Variants in ENOSF1 observed in about 807,000 individuals in gnomAD.
ENOSF1 encodes the protein mitochondrial enolase superfamily member 1.
ENOSF1 carries 73 observed loss-of-function variants against 68.2 expected under a neutral mutation model. The observed-to-expected ratio is 1.07, with a 90% CI of 0.89 to 1.30. ENOSF1 has a LOEUF of 1.30. Among genes scored for constraint, ENOSF1 ranks in the 50% most tolerant of loss-of-function variants. ENOSF1 has a pLI of 0.00. For synonymous variants in ENOSF1, 223 were observed against 210.4 expected, an observed-to-expected ratio of 1.06 and a Z score of -0.52; for missense variants, 589 against 554.5, an observed-to-expected ratio of 1.06 and a Z score of -0.62.
At chr18:705,099 C>A (rs1206634697) in intron 2 of ENOSF1, among the ~76,000 whole-genome samples, 1 of 152,218 alleles carries the variant, frequency 6.6e-6, no homozygotes, top group Non-Finnish European at 1.5e-5. Flanking sequence ...CACAAACTCA[C>A]ACACTTCTTT....
At chr18:696,416 T>C (rs1408770830) in intron 3 of ENOSF1, among the ~76,000 whole-genome samples, 3 of 151,864 alleles carry the variant, frequency 2.0e-5, no homozygotes, top group African/African-American at 7.3e-5. Context: ...TTTCACCATG[T>C]TAGCCAGGAT....
At chr18:706,025 A>G (rs2078893191) in intron 2 of ENOSF1, among the ~76,000 whole-genome samples, 1 of 152,060 alleles carries the variant, frequency 6.6e-6, no homozygotes, top group African/African-American at 2.4e-5. Flanking sequence ...ATATACATAT[A>G]TATATTGAAA....
At position 691,190 on chromosome 18, in the gene ENOSF1, G is replaced by A. The variant is rs1568078329; in HGVS notation, c.496+14C>T. 1 of 1,614,030 alleles carries A rather than the reference G, an allele frequency of 6.2e-7. No individual in the cohort carries two copies. Among genetic ancestry groups the A allele is most frequent in the Non-Finnish European group, 8.5e-7 (1 of 1,179,910 alleles). ...GTGTGCACGTCGTGTATCCCAGAAA[G>A]CTTCCAAACTCACCTAGGGCATCCT... On this transcript the variant is annotated intron_variant, in intron 6 of 15. Transcript: ENST00000647584.
chr18:693,268 G>C (rs2077385253), intron 5 of ENOSF1: 1 of 1,286,348 alleles, frequency 7.8e-7, no homozygotes, highest in Non-Finnish European at 1.0e-6. Context: ...TTGTACAGTA[G>C]AGGCTACAAT....
At chr18:678,641 T>C in intron 12 of ENOSF1, 55 bp downstream of exon 12, 1 of 1,573,564 alleles carries the variant, frequency 6.4e-7, no homozygotes, top group Non-Finnish European at 8.7e-7. Context: ...CGGTCACTGG[T>C]CAGCGTGTAC....
chr18:696,386 T>C (rs2077734854), intron 3 of ENOSF1, among the ~76,000 whole-genome samples: 1 of 151,820 alleles, frequency 6.6e-6, no homozygotes. Flanking sequence ...TAATTTTTTG[T>C]ATTTTTAGTA....
rs1285750675 is a variant in ENOSF1, at chr18:685,914, T to C, written c.741+7A>G. 2.5e-6 allele frequency: 4 copies of C among 1,609,742 alleles called. No individual in the cohort carries two copies. The highest frequency in any genetic ancestry group is 3.4e-6 in the Non-Finnish European group (4 of 1,176,154). On this transcript the variant is annotated splice_region_variant and intron_variant, in intron 10 of 15. Transcript: ENST00000647584. ...ACTGCTTCTTAGTGGTGTGAGAGGA[T>C]ATTTACCAAAGTCTTTTCCGGTCCA...
chr18:688,450 C>T (rs2076836089), intron 9 of ENOSF1, 124 bp downstream of exon 9: 2 of 1,282,252 alleles, frequency 1.6e-6, no homozygotes, highest in South Asian at 1.3e-5. Context: ...TTATGCATCC[C>T]TATGAGCCAG....
At chr18:676,200 C>T (rs2075494447) in intron 14 of ENOSF1, among the ~76,000 whole-genome samples, 1 of 152,226 alleles carries the variant, frequency 6.6e-6, no homozygotes, top group Admixed American at 6.5e-5. Context: ...TGACCGAGCT[C>T]TGCTGCCTGA....
At chr18:693,543 C>T in intron 5 of ENOSF1, 2 of 985,314 alleles carry the variant, frequency 2.0e-6, no homozygotes, top group East Asian at 1.1e-4. Context: ...TCTCATTGAT[C>T]TTTAATTTTG....
At chr18:688,509 A>G in intron 9 of ENOSF1, 65 bp downstream of exon 9, 1 of 1,612,198 alleles carries the variant, frequency 6.2e-7, no homozygotes, top group Non-Finnish European at 8.5e-7. Flanking sequence ...CCCTGCCAGG[A>G]GAGACTTACT....
rs2075012964 is a variant in ENOSF1, at chr18:670,902, A to T, written c.*3403T>A. ...CTCGGGAAGGGTGACTTGCCAGCCT[A>T]CCACACTGAGCTCTTCAGTTCTTTA... is the stretch of plus-strand genomic sequence containing the variant. On this transcript the variant is annotated 3_prime_UTR_variant, in exon 16 of 16. Coordinates refer to ENST00000647584, the MANE Select transcript of ENOSF1 (RefSeq NM_017512.7). 1.2e-6 allele frequency: 2 copies of T among 1,610,184 alleles called. No individual in the cohort carries two copies. The highest frequency in any genetic ancestry group is 1.3e-5 in the African/African-American group (1 of 74,846).
chr18:675,313 C>T lies in ENOSF1; in HGVS notation c.1230+8G>A, dbSNP rs1406122306. The T allele has an allele frequency of 6.2e-7, 1 of 1,608,168 alleles. No individual in the cohort carries two copies. Reference sequence around the variant, plus strand: ...CTCTTCTACAGGGGCCCTCAGGCCACAGCTTACCTTGGGAGGCATGTAGGA... The same window carrying T: ...CTCTTCTACAGGGGCCCTCAGGCCATAGCTTACCTTGGGAGGCATGTAGGA... On this transcript the variant is annotated splice_region_variant and intron_variant, in intron 15 of 15. Coordinates refer to ENST00000647584, the MANE Select transcript of ENOSF1 (RefSeq NM_017512.7).
intron 2 of ENOSF1, among the ~76,000 whole-genome samples, chr18:698,852 G>A (rs1479781527): frequency 1.3e-5 from 2 of 151,918 alleles, no homozygotes; most frequent in Admixed American, 1.3e-4. Context: ...GAGCTCCTGA[G>A]CTCAAGTGAT....
intron 1 of ENOSF1, among the ~76,000 whole-genome samples, chr18:708,789 A>C (rs1207790476): frequency 6.6e-6 from 1 of 152,168 alleles, no homozygotes; most frequent in East Asian, 1.9e-4. Flanking sequence ...TAAAGGGGTC[A>C]GAAGAGGGAG....
At chr18:712,193 G>A (rs979182722) in intron 1 of ENOSF1, among the ~76,000 whole-genome samples, 2 of 152,232 alleles carry the variant, frequency 1.3e-5, no homozygotes, top group Non-Finnish European at 2.9e-5. Flanking sequence ...AGAGTGGAAA[G>A]TTTCTGGATA....
intron 12 of ENOSF1, chr18:678,397 T>C (rs2075732408): frequency 6.6e-6 from 3 of 457,988 alleles, no homozygotes; most frequent in African/African-American, 5.9e-5. Context: ...AAGCTGGCTT[T>C]CTTAAGACCA....
At chr18:695,590 A>G (rs1488106600) in intron 3 of ENOSF1, among the ~76,000 whole-genome samples, 1 of 152,246 alleles carries the variant, frequency 6.6e-6, no homozygotes, top group East Asian at 1.9e-4. Context: ...TTACCTCCTT[A>G]AAAATTTTTT....
In ENOSF1 at chr18:677,757, G is replaced by A; in HGVS notation, c.1034C>T (p.Ala345Val). The change falls in exon 13 of 16, where the codon GCC becomes GTC. Residue 345 changes from alanine to valine, a missense_variant. Physicochemically the swap from Ala to Val is moderately conservative, Grantham distance 64 (BLOSUM62 0). Transcript: ENST00000647584. ...AGCACGCTTACTTTCAAACTTTTTGGCCATCAGCAATACTGAGAGGTTCTC... is the reference window on the plus strand; with the variant it reads ...AGCACGCTTACTTTCAAACTTTTTGACCATCAGCAATACTGAGAGGTTCTC... ...VNENLSVLLM[A>V]KKFEIPVCPH... The A allele has an allele frequency of 6.2e-7, 1 of 1,612,582 alleles. No individual in the cohort carries two copies. Among genetic ancestry groups the A allele is most frequent in the South Asian group, 1.1e-5 (1 of 90,688 alleles).
Sources: allele counts gnomAD v4.1 joint callset (sites outside exome capture counted in the v4.1 genomes callset), GRCh38; gene constraint gnomAD v4.1.1; transcripts MANE v1.5; gene names NCBI Gene and HGNC (gene_info 2026-07-23, HGNC 2026-07-21).